Variants in ADCY1 observed in about 807,000 individuals in gnomAD.
ADCY1 encodes the protein adenylate cyclase type 1.
ADCY1 carries 28 observed loss-of-function variants against 105.4 expected under a neutral mutation model. That is an observed-to-expected ratio of 0.27 (90% CI 0.20 to 0.36). The LOEUF is 0.36. Among genes scored for constraint, ADCY1 ranks in the 10% least tolerant of loss-of-function variants. The pLI, the probability that ADCY1 is intolerant of heterozygous loss-of-function variation, is 1.00. For synonymous variants in ADCY1, 655 were observed against 623.8 expected, an observed-to-expected ratio of 1.05 and a Z score of -0.75; for missense variants, 977 against 1,434.2, an observed-to-expected ratio of 0.68 and a Z score of 5.15.
chr7:45,650,529 T>C (rs1197690124), intron 5 of ADCY1, among the ~76,000 whole-genome samples: 2 of 151,912 alleles, frequency 1.3e-5, no homozygotes, highest in Non-Finnish European at 2.9e-5. Context: ...ACAAGCAGAG[T>C]TGAATGATGT....
chr7:45,668,938 G>A (rs1021876600), intron 8 of ADCY1, among the ~76,000 whole-genome samples: 1 of 152,054 alleles, frequency 6.6e-6, no homozygotes, highest in Non-Finnish European at 1.5e-5. Context: ...ATAGTATTCT[G>A]TGATGGTAGT....
chr7:45,590,316 C>T (rs1045154231), intron 1 of ADCY1, among the ~76,000 whole-genome samples: 10 of 152,318 alleles, frequency 6.6e-5, no homozygotes, highest in Non-Finnish European at 7.3e-5. Context: ...GGAAAATCTC[C>T]AAGGAAGGTT....
At position 45,686,342 on chromosome 7, in the gene ADCY1, T is replaced by C. The variant is rs182266305; in HGVS notation, c.2327+127T>C. 3 of 1,444,754 alleles carry C rather than the reference T, an allele frequency of 2.1e-6. No homozygotes were observed. Among genetic ancestry groups the C allele is most frequent in the Admixed American group, 4.8e-5 (2 of 41,446 alleles). 89.5% of individuals were successfully genotyped at this position (1,444,754 alleles called of 1,614,324 possible). A position where few individuals can be genotyped will look rare whatever the true frequency, so the allele number is the denominator to read the frequency against. On this transcript the variant is annotated intron_variant, in intron 13 of 19. Coordinates refer to ENST00000297323, the MANE Select transcript of ADCY1 (RefSeq NM_021116.4). This position sits in a 1 kb window ranked among gnomAD's most constrained non-coding sequence, Gnocchi z 4.3. ...TTGAATTGTATACACAATTTTTAGT[T>C]TGGTGGCTGCTTCTCTTCAACCCAA...
In ADCY1 at chr7:45,710,910, C is replaced by T. The variant is rs1276938445; in HGVS notation, c.3057+258C>T. Among the ~76,000 whole-genome samples the T allele has an allele frequency of 2.0e-5, 3 of 152,154 alleles. No homozygotes were observed. Among genetic ancestry groups the T allele is most frequent in the Admixed American group, 2.0e-4 (3 of 15,272 alleles). On this transcript the variant is annotated intron_variant, in intron 19 of 19. Coordinates refer to ENST00000297323, the MANE Select transcript of ADCY1 (RefSeq NM_021116.4). This position sits in a 1 kb window ranked among gnomAD's most constrained non-coding sequence, Gnocchi z 4.7. Reference sequence around the variant, plus strand: ...TGGTGGGAGCACTGAGTCACTGGGTCCTGCTGCTGGTCCCAGCAGCCTGGT... The same window carrying T: ...TGGTGGGAGCACTGAGTCACTGGGTTCTGCTGCTGGTCCCAGCAGCCTGGT...
intron 2 of ADCY1, among the ~76,000 whole-genome samples, chr7:45,594,705 A>AT (rs963224313): frequency 2.0e-5 from 3 of 151,984 alleles, no homozygotes; most frequent in Non-Finnish European, 4.4e-5. Context: ...TAAGCAAGGA[A>AT]TTTTTTCCTC....
In ADCY1 at chr7:45,647,297, C is replaced by G. The variant is rs368835120; in HGVS notation, c.1021-1373C>G. Among the ~76,000 whole-genome samples the G allele has an allele frequency of 1.1e-4, 17 of 152,348 alleles. No homozygotes were observed. Among genetic ancestry groups the G allele is most frequent in the African/African-American group, 3.4e-4 (14 of 41,584 alleles). On this transcript the variant is annotated intron_variant, in intron 4 of 19. Transcript: ENST00000297323. The surrounding 1 kb of genome is among the most constrained non-coding windows in gnomAD (Gnocchi z 4.6). Reference sequence around the variant, plus strand: ...TCGGTGTGGCCTGTCCCTGTCCTGACTCACTCTGTGCTGGCCATGGTTCCT... The same window carrying G: ...TCGGTGTGGCCTGTCCCTGTCCTGAGTCACTCTGTGCTGGCCATGGTTCCT...
At chr7:45,701,309 G>A (rs1388913328) in intron 14 of ADCY1, among the ~76,000 whole-genome samples, 3 of 152,100 alleles carry the variant, frequency 2.0e-5, no homozygotes, top group African/African-American at 7.2e-5. Flanking sequence ...AAAGACCTTT[G>A]CATTTGTGGA....
At chr7:45,596,612 C>T (rs919363846) in intron 2 of ADCY1, among the ~76,000 whole-genome samples, 5 of 152,064 alleles carry the variant, frequency 3.3e-5, no homozygotes, top group African/African-American at 9.7e-5. Context: ...TGGTAGGAGG[C>T]GGTGGAATGC....
chr7:45,674,498 C>T (rs1306394594), intron 8 of ADCY1, among the ~76,000 whole-genome samples: 1 of 152,112 alleles, frequency 6.6e-6, no homozygotes, highest in Non-Finnish European at 1.5e-5. Flanking sequence ...CTCACCCTCT[C>T]GAGTAGCTGG....
intron 1 of ADCY1, among the ~76,000 whole-genome samples, chr7:45,576,319 G>A (rs756184009): frequency 7.9e-5 from 12 of 152,142 alleles, no homozygotes; most frequent in Non-Finnish European, 1.6e-4. Flanking sequence ...GGCATCCTTA[G>A]ACTGTGATGC....
At chr7:45,632,499 CAG>C (rs945495525) in intron 4 of ADCY1, among the ~76,000 whole-genome samples, 21 of 150,656 alleles carry the variant, frequency 1.4e-4, no homozygotes, top group Admixed American at 1.3e-3. Flanking sequence ...AATTTTTTCT[CAG>C]AAAAAATGTA....
intron 19 of ADCY1, 128 bp from the exon 20 acceptor site, chr7:45,713,565 C>T: frequency 1.6e-6 from 1 of 635,824 alleles, no homozygotes; most frequent in Non-Finnish European, 2.8e-6. Context: ...CTGGGAAAGC[C>T]ACATCCCAGT....
chr7:45,645,227 C>T (rs1794626833), intron 4 of ADCY1, among the ~76,000 whole-genome samples: 1 of 152,094 alleles, frequency 6.6e-6, no homozygotes, highest in Non-Finnish European at 1.5e-5. Context: ...TCCCCACTCA[C>T]AGCTCGCCCA....
intron 17 of ADCY1, among the ~76,000 whole-genome samples, chr7:45,706,809 T>C (rs1785130834): frequency 6.6e-6 from 1 of 152,060 alleles, no homozygotes. Flanking sequence ...GCCACCTATC[T>C]GATAAAGGAC....
intron 5 of ADCY1, among the ~76,000 whole-genome samples, chr7:45,655,817 T>C (rs1302005397): frequency 6.6e-6 from 1 of 152,100 alleles, no homozygotes; most frequent in African/African-American, 2.4e-5. Flanking sequence ...TACTGTTTCA[T>C]GGCTTCGGAG....
chr7:45,676,478 C>T (rs976836826), intron 8 of ADCY1, among the ~76,000 whole-genome samples: 3 of 152,018 alleles, frequency 2.0e-5, no homozygotes, highest in African/African-American at 4.8e-5. Flanking sequence ...CTGGATCCTA[C>T]TGAAATTTTT....
intron 3 of ADCY1, among the ~76,000 whole-genome samples, chr7:45,613,584 A>G (rs555756501): frequency 3.9e-5 from 6 of 152,190 alleles, no homozygotes; most frequent in Non-Finnish European, 8.8e-5. Flanking sequence ...TGATGTAAAA[A>G]TATATCATTA....
intron 2 of ADCY1, among the ~76,000 whole-genome samples, chr7:45,607,481 G>A (rs529781634): frequency 6.6e-6 from 1 of 152,292 alleles, no homozygotes; most frequent in East Asian, 1.9e-4. Flanking sequence ...GGGTACATGT[G>A]CAGGTTTGTT....
At chr7:45,633,934 T>C (rs1794330945) in intron 4 of ADCY1, among the ~76,000 whole-genome samples, 1 of 152,216 alleles carries the variant, frequency 6.6e-6, no homozygotes, top group South Asian at 2.1e-4. Context: ...GTTAATGTTA[T>C]TGGTAAGGTT....
Sources: gnomAD v4.1 joint callset for allele counts (sites outside exome capture counted in the v4.1 genomes callset) on GRCh38, gnomAD v4.1.1 for gene constraint, Gnocchi (gnomAD v3.1) non-coding constraint, MANE v1.5 for transcripts, NCBI Gene and HGNC (gene_info 2026-07-23, HGNC 2026-07-21) for gene names.